Variants in PSD3 observed in about 807,000 individuals in gnomAD.
PSD3 encodes PH and SEC7 domain-containing protein 3.
A neutral mutation model predicts 105.5 loss-of-function variants in PSD3; 49 were observed. That is an observed-to-expected ratio of 0.46 (90% confidence interval 0.37 to 0.59). The LOEUF is 0.59. PSD3 is among the 20% of genes least tolerant of loss of function. The pLI is 0.00. For synonymous variants in PSD3, 557 were observed against 457.8 expected (o/e 1.22, Z -2.77); for missense variants, 1,561 against 1,263.8 (o/e 1.24, Z -3.57).
intron 10 of PSD3, among the ~76,000 whole-genome samples, chr8:18,639,626 C>T (rs938026268): frequency 2.6e-5 from 4 of 152,102 alleles, no homozygotes; most frequent in Admixed American, 2.6e-4. Context: ...CTGAAGCTAC[C>T]ACAGGCTAGG....
chr8:19,067,924 A>G (rs1203250309), intron 1 of PSD3, among the ~76,000 whole-genome samples: 2 of 152,130 alleles, frequency 1.3e-5, no homozygotes, highest in Non-Finnish European at 2.9e-5. Context: ...TTAAATTTCC[A>G]ACGTGGGACC....
chr8:18,705,093 A>G (rs1281143554), intron 9 of PSD3, among the ~76,000 whole-genome samples: 1 of 152,218 alleles, frequency 6.6e-6, no homozygotes, highest in Non-Finnish European at 1.5e-5. Context: ...ATGACAATTT[A>G]TTGTATTAAT....
chr8:18,589,567 T>TA (rs1405063666), intron 12 of PSD3, among the ~76,000 whole-genome samples: 10 of 152,084 alleles, frequency 6.6e-5, no homozygotes, highest in African/African-American at 9.7e-5. Flanking sequence ...ACAGTTCAGA[T>TA]AAAAAATAAA....
intron 11 of PSD3, among the ~76,000 whole-genome samples, chr8:18,618,244 TG>T (rs1256630816): frequency 6.6e-6 from 1 of 151,780 alleles, no homozygotes; most frequent in Non-Finnish European, 1.5e-5. Context: ...CCTGCCCTTC[TG>T]GGCTAAATCA....
intron 4 of PSD3, among the ~76,000 whole-genome samples, chr8:18,821,430 T>C (rs1460873336): frequency 1.3e-5 from 2 of 152,142 alleles, no homozygotes; most frequent in Non-Finnish European, 2.9e-5. Context: ...CACCTTGAGA[T>C]TATAGGTAAC....
At chr8:18,616,628 C>CTTTTTTTTTT (rs71217391) in intron 11 of PSD3, among the ~76,000 whole-genome samples, 3,043 of 126,276 alleles carry the variant, frequency 0.024, 142 homozygotes, top group East Asian at 0.084. Context: ...CTTTTCTTTT[C>CTTTTTTTTTT]TTTTTTTTTT....
chr8:19,074,603 ATATATATATTTTTTTTTTTTT>A (rs1829391682), intron 1 of PSD3, among the ~76,000 whole-genome samples: 3 of 58,982 alleles, frequency 5.1e-5, no homozygotes, highest in East Asian at 7.6e-4. Context: ...ATATATATAT[ATATATATATTTTTTTTTTTTT>A]TTTTTTTTTT....
At chr8:18,899,886 T>C (rs1281230611) in intron 2 of PSD3, among the ~76,000 whole-genome samples, 1 of 152,158 alleles carries the variant, frequency 6.6e-6, no homozygotes, top group African/African-American at 2.4e-5. Context: ...TCCAACTGTA[T>C]TTGCATAAAA....
At chr8:19,050,199 ACT>A (rs1358003219) in intron 1 of PSD3, among the ~76,000 whole-genome samples, 3 of 152,090 alleles carry the variant, frequency 2.0e-5, no homozygotes, top group Non-Finnish European at 4.4e-5. Context: ...AATTAAAATG[ACT>A]CTGTCATTTC....
At chr8:18,716,969 G>A (rs1041288207) in intron 9 of PSD3, among the ~76,000 whole-genome samples, 5 of 152,184 alleles carry the variant, frequency 3.3e-5, no homozygotes, top group African/African-American at 1.2e-4. Context: ...CCCACCTCTT[G>A]CCAGGCTCCA....
chr8:18,923,477 C>A (rs192120282), intron 2 of PSD3, among the ~76,000 whole-genome samples: 4 of 152,316 alleles, frequency 2.6e-5, no homozygotes, highest in African/African-American at 9.6e-5. Flanking sequence ...ATCTGGCTCA[C>A]CAATGACCAC....
At chr8:18,648,378 G>C (rs1196529823) in intron 10 of PSD3, among the ~76,000 whole-genome samples, 1 of 151,964 alleles carries the variant, frequency 6.6e-6, no homozygotes, top group Admixed American at 6.6e-5. Context: ...TTATGCGGAA[G>C]CAAAGAACTT....
At chr8:18,609,859 G>A (rs1197883981) in intron 11 of PSD3, among the ~76,000 whole-genome samples, 4 of 152,172 alleles carry the variant, frequency 2.6e-5, no homozygotes, top group Non-Finnish European at 4.4e-5. Flanking sequence ...TTAATTAATA[G>A]AGCAGCTCAG....
intron 12 of PSD3, among the ~76,000 whole-genome samples, chr8:18,578,946 C>G (rs1032024096): frequency 6.6e-6 from 1 of 152,006 alleles, no homozygotes; most frequent in African/African-American, 2.4e-5. Context: ...TTAATTAGGG[C>G]TAAACTGAAG....
intron 2 of PSD3, among the ~76,000 whole-genome samples, chr8:18,931,962 C>G (rs972700195): frequency 6.6e-6 from 1 of 152,204 alleles, no homozygotes; most frequent in East Asian, 1.9e-4. Flanking sequence ...GGTCTCAAAC[C>G]TACCAATGAG....
chr8:18,716,061 T>C (rs1202137257), intron 9 of PSD3, among the ~76,000 whole-genome samples: 1 of 151,908 alleles, frequency 6.6e-6, no homozygotes, highest in African/African-American at 2.4e-5. Flanking sequence ...AGTGGGTGAG[T>C]GCTATTTCAA....
Position 18,947,010 on chromosome 8 carries a change from G to A in PSD3, c.22-10868C>T, listed in dbSNP as rs538309333. 3.9e-4 allele frequency among the ~76,000 whole-genome samples: 59 copies of A among 152,018 alleles called. 1 individual carries two copies. The South Asian group carries it at 0.011, about 27-fold the overall frequency. On this transcript the variant is annotated intron_variant, in intron 1 of 15. Transcript: ENST00000327040. The stretch of plus-strand genomic sequence containing the variant: ...GACATACACCTGCACATAAACAAAT[G>A]GGGAAGATGCTCGTGCTTGGGCCAA...
chr8:18,748,353 G>T (rs1037400409), intron 9 of PSD3, among the ~76,000 whole-genome samples: 2 of 152,124 alleles, frequency 1.3e-5, no homozygotes, highest in African/African-American at 2.4e-5. Flanking sequence ...AAGTGGTAGA[G>T]AGTAACGCTA....
At chr8:19,000,682 A>C (rs1306695731) in intron 1 of PSD3, 1 of 151,894 alleles carries the variant, frequency 6.6e-6, no homozygotes, top group Non-Finnish European at 1.5e-5. Flanking sequence ...CCTGTCTCCA[A>C]AACAGGAGAT....
Sources: gnomAD v4.1 joint callset for allele counts (sites outside exome capture counted in the v4.1 genomes callset) on GRCh38, gnomAD v4.1.1 for gene constraint, MANE v1.5 for transcripts, NCBI Gene and HGNC (gene_info 2026-07-23, HGNC 2026-07-21) for gene names.